The following CPPED1 variants were observed in gnomAD, a reference collection of about 807,000 sequenced individuals.
The protein encoded by CPPED1 is serine/threonine-protein phosphatase CPPED1.
In CPPED1, 28 loss-of-function variants were observed where a neutral mutation model predicts 28.0. That is an observed-to-expected ratio of 1.00 (90% CI 0.74 to 1.37). CPPED1 has a LOEUF of 1.37. Among genes scored for constraint, CPPED1 ranks in the 40% most tolerant of loss-of-function variants. The pLI is 0.00. For synonymous variants in CPPED1, 198 were observed against 180.2 expected (o/e 1.10, Z -0.79); for missense variants, 504 against 416.5 (o/e 1.21, Z -1.83).
chr16:12,681,559 T>C (rs890256920), intron 3 of CPPED1, among the ~76,000 whole-genome samples: 3 of 152,140 alleles, frequency 2.0e-5, no homozygotes, highest in African/African-American at 7.2e-5. Context: ...TTCACAAAAA[T>C]TATATTCTTC....
chr16:12,773,106 T>C (rs1375850684), intron 2 of CPPED1, among the ~76,000 whole-genome samples: 1 of 152,202 alleles, frequency 6.6e-6, no homozygotes, highest in Non-Finnish European at 1.5e-5. Context: ...AGGGGTTATG[T>C]ACAAGTGCAA....
At chr16:12,746,357 G>C (rs2080288010) in intron 2 of CPPED1, among the ~76,000 whole-genome samples, 1 of 128,036 alleles carries the variant, frequency 7.8e-6, no homozygotes, top group Non-Finnish European at 1.6e-5. Context: ...CTAGGCGACA[G>C]AGCAAGACTC....
At chr16:12,690,461 C>G (rs1011156552) in intron 3 of CPPED1, among the ~76,000 whole-genome samples, 3 of 151,562 alleles carry the variant, frequency 2.0e-5, no homozygotes, top group African/African-American at 7.3e-5. Context: ...TTGCAGTGAG[C>G]TGAGGTCATG....
chr16:12,672,803 C>T (rs1350867927), intron 3 of CPPED1, among the ~76,000 whole-genome samples: 7 of 152,226 alleles, frequency 4.6e-5, no homozygotes, highest in African/African-American at 1.7e-4. Flanking sequence ...CAGTTGAGGT[C>T]AGGAGTTCGA....
intron 3 of CPPED1, among the ~76,000 whole-genome samples, chr16:12,666,654 G>A (rs151036810): frequency 1.3e-5 from 2 of 152,252 alleles, no homozygotes; most frequent in South Asian, 2.1e-4. Context: ...GCCCAGTAGT[G>A]CCCATTACAT....
intron 3 of CPPED1, among the ~76,000 whole-genome samples, chr16:12,666,546 T>C (rs908380899): frequency 6.6e-6 from 1 of 152,172 alleles, no homozygotes; most frequent in Non-Finnish European, 1.5e-5. Context: ...ACCTGATTTG[T>C]CACATTTGTC....
intron 2 of CPPED1, among the ~76,000 whole-genome samples, chr16:12,718,556 A>AG (rs1207170942): frequency 6.6e-6 from 1 of 150,500 alleles, no homozygotes; most frequent in East Asian, 1.9e-4. Context: ...AAAAAAAAAA[A>AG]AGAAAGAAAA....
chr16:12,694,768 T>C (rs2079981182), intron 3 of CPPED1, among the ~76,000 whole-genome samples: 1 of 151,302 alleles, frequency 6.6e-6, no homozygotes, highest in Admixed American at 6.6e-5. Flanking sequence ...GAGATAGTTT[T>C]TTAAAAACCC....
chr16:12,782,882 T>C (rs2080540956), intron 1 of CPPED1, among the ~76,000 whole-genome samples: 1 of 151,826 alleles, frequency 6.6e-6, no homozygotes, highest in Non-Finnish European at 1.5e-5. Context: ...ATAATAATAA[T>C]AATAATTTAA....
intron 2 of CPPED1, chr16:12,759,376 C>A (rs1567299083): frequency 6.6e-6 from 1 of 152,234 alleles, no homozygotes; most frequent in Non-Finnish European, 1.5e-5. Context: ...CCTGCCCTCT[C>A]CTTTGTGTCA....
At position 12,664,968 on chromosome 16, in the gene CPPED1, A is replaced by G. The variant is rs2079816887; in HGVS notation, c.863T>C (p.Ile288Thr). The G allele has an allele frequency of 6.2e-7, 1 of 1,610,184 alleles. No individual in the cohort carries two copies. The highest frequency in any genetic ancestry group is 2.2e-5 in the East Asian group (1 of 44,730). Reference sequence around the variant, plus strand: ...ATCTAGACTGTAGTATCGGTGAACAATTTTCTCGGCGGTGACCACCACGAC... The same window carrying G: ...ATCTAGACTGTAGTATCGGTGAACAGTTTTCTCGGCGGTGACCACCACGAC... Reference protein sequence around the residue: ...LRVVVVTAEKIVHRYYSLDEL... With the variant: ...LRVVVVTAEKTVHRYYSLDEL... Residue 288 changes from isoleucine (I) to threonine (T), a missense_variant, in exon 4 of 4, where the codon ATT becomes ACT. Ile to Thr is a moderately conservative substitution (Grantham distance 89). Transcript: ENST00000381774. The surrounding 1 kb of genome is among the most constrained non-coding windows in gnomAD (Gnocchi z 4.2).
chr16:12,776,665 A>T (rs1428389806), intron 2 of CPPED1, among the ~76,000 whole-genome samples: 1 of 152,164 alleles, frequency 6.6e-6, no homozygotes, highest in East Asian at 1.9e-4. Context: ...TCACGCCTGT[A>T]ATCACAGCAC....
intron 2 of CPPED1, among the ~76,000 whole-genome samples, chr16:12,719,366 G>C (rs1033521714): frequency 6.6e-6 from 1 of 151,498 alleles, no homozygotes. Context: ...ATGCTGGCCT[G>C]GGCGAAAGAG....
Position 12,664,423 on chromosome 16 carries a change from G to T in CPPED1, c.*463C>A. On this transcript the variant is annotated 3_prime_UTR_variant, in exon 4 of 4. Coordinates refer to ENST00000381774, the MANE Select transcript of CPPED1 (RefSeq NM_018340.3). The surrounding 1 kb of genome is among the most constrained non-coding windows in gnomAD (Gnocchi z 4.2). ...GTTCGTTCCGCTGGAAAGGAAAGGA[G>T]ATGAACTTTGTTTTGCCTAGCGTTT... The T allele has an allele frequency of 2.0e-6, 2 of 1,011,682 alleles. No individual in the cohort carries two copies. The highest frequency in any genetic ancestry group is 7.9e-5 in the South Asian group (2 of 25,236). The allele number at this position is 1,011,682 out of a possible 1,614,324, so 62.7% of individuals were successfully genotyped here. A position where few individuals can be genotyped will look rare whatever the true frequency, so the allele number is the denominator to read the frequency against.
intron 2 of CPPED1, among the ~76,000 whole-genome samples, chr16:12,761,606 T>A (rs2080410282): frequency 6.6e-6 from 1 of 152,184 alleles, no homozygotes; most frequent in Non-Finnish European, 1.5e-5. Context: ...GTGAAGAGAC[T>A]AGTTAACCAG....
chr16:12,726,737 A>T (rs1315526402), intron 2 of CPPED1, among the ~76,000 whole-genome samples: 10 of 152,030 alleles, frequency 6.6e-5, no homozygotes, highest in Non-Finnish European at 5.9e-5. Context: ...TGAACGCAGG[A>T]TGTTGAGGCT....
At chr16:12,793,187 C>A (rs999182222) in intron 1 of CPPED1, among the ~76,000 whole-genome samples, 2 of 152,196 alleles carry the variant, frequency 1.3e-5, no homozygotes, top group African/African-American at 4.8e-5. Context: ...GGGAGATGCA[C>A]AACAAACAAG....
intron 2 of CPPED1, among the ~76,000 whole-genome samples, chr16:12,744,267 TGAAAGA>T (rs1251910222): frequency 1.4e-5 from 1 of 70,146 alleles, no homozygotes; most frequent in Non-Finnish European, 2.6e-5. Flanking sequence ...CAAGACTCTG[TGAAAGA>T]GAGAGAGAGA....
At chr16:12,725,012 T>G (rs536041414) in intron 2 of CPPED1, among the ~76,000 whole-genome samples, 23 of 152,216 alleles carry the variant, frequency 1.5e-4, no homozygotes, top group African/African-American at 5.3e-4. Context: ...AGTCTCGATC[T>G]CCTGACCTCG....
Sources: gnomAD v4.1 joint callset for allele counts (sites outside exome capture counted in the v4.1 genomes callset) on GRCh38, gnomAD v4.1.1 for gene constraint, Gnocchi (gnomAD v3.1) non-coding constraint, MANE v1.5 for transcripts, NCBI Gene and HGNC (gene_info 2026-07-23, HGNC 2026-07-21) for gene names.